The following MED12L variants were observed in gnomAD, a reference collection of about 807,000 sequenced individuals.
The protein encoded by MED12L is mediator complex subunit 12L.
MED12L carries 60 observed loss-of-function variants against 281.3 expected under a neutral mutation model. The ratio of observed to expected loss-of-function variants is 0.21; its 90% CI spans 0.17 to 0.26. The LOEUF (loss-of-function observed/expected upper bound fraction) is 0.26, where lower values mean the gene tolerates loss of function less well. Among genes scored for constraint, MED12L ranks in the 10% least tolerant of loss-of-function variants. The pLI is 1.00. For synonymous variants in MED12L, 974 were observed against 987.2 expected (o/e 0.99, Z 0.25); for missense variants, 2,146 against 2,680.9 (o/e 0.80, Z 4.41).
In MED12L at chr3:151,085,863, C is replaced by T. The variant is rs1336606515; in HGVS notation, c.-203C>T. 6.6e-6 allele frequency: 1 copy of T among 152,076 alleles called. No homozygotes were observed. Among genetic ancestry groups the T allele is most frequent in the African/African-American group, 2.4e-5 (1 of 41,444 alleles). The allele number at this position is 152,076 out of a possible 1,614,324, so 9.4% of individuals were successfully genotyped here. A position where few individuals can be genotyped will look rare whatever the true frequency, so the allele number is the denominator to read the frequency against. ...CAAATCCAAGTCCCCCATCCCAACC[C>T]GAATGATGGAGGCTGCGGCGGCCGG... On this transcript the variant is annotated 5_prime_UTR_variant, in exon 1 of 45. Transcript: ENST00000687756.
At chr3:151,167,358 A>G (rs970502995) in intron 11 of MED12L, among the ~76,000 whole-genome samples, 5 of 152,230 alleles carry the variant, frequency 3.3e-5, no homozygotes, top group Non-Finnish European at 7.3e-5. Flanking sequence ...CTAGGACTGC[A>G]GAGTTAAGTT....
At position 151,385,211 on chromosome 3, in the gene MED12L, C is replaced by T; in HGVS notation, c.5088+20C>T. ...AAACAGGCAAGAGTGAATGTTTTTT[C>T]TTATATATAAATTTATTTACAAAAG... On this transcript the variant is annotated intron_variant, in intron 36 of 44. Transcript: ENST00000687756. 1 of 1,132,732 alleles carries T rather than the reference C, an allele frequency of 8.8e-7. No homozygotes were observed. Among genetic ancestry groups the T allele is most frequent in the Non-Finnish European group, 1.3e-6 (1 of 784,294 alleles). The allele number at this position is 1,132,732 out of a possible 1,614,324, so 70.2% of individuals were successfully genotyped here. A position where few individuals can be genotyped will look rare whatever the true frequency, so the allele number is the denominator to read the frequency against.
intron 12 of MED12L, among the ~76,000 whole-genome samples, chr3:151,187,024 C>T (rs766865233): frequency 5.3e-5 from 8 of 152,140 alleles, no homozygotes; most frequent in Non-Finnish European, 1.2e-4. Flanking sequence ...ATAGGAAGAA[C>T]ATTTTATAGA....
intron 22 of MED12L, among the ~76,000 whole-genome samples, 191 bp downstream of exon 22, chr3:151,365,397 C>G (rs1755153951): frequency 6.6e-6 from 1 of 152,068 alleles, no homozygotes; most frequent in Admixed American, 6.6e-5. Context: ...ACAGTGCTTT[C>G]TTATTTATTA....
At chr3:151,101,987 C>T (rs1216175705) in intron 2 of MED12L, among the ~76,000 whole-genome samples, 1 of 152,066 alleles carries the variant, frequency 6.6e-6, no homozygotes, top group East Asian at 1.9e-4. Flanking sequence ...GATAGTAGGT[C>T]CTGTTGCTTG....
chr3:151,095,840 A>G (rs1040597257), intron 2 of MED12L, among the ~76,000 whole-genome samples: 4 of 152,196 alleles, frequency 2.6e-5, no homozygotes, highest in African/African-American at 7.2e-5. Flanking sequence ...TAGGAGTTCA[A>G]TAGTAGCCTG....
At chr3:151,366,416 G>A (rs1755274085) in intron 23 of MED12L, among the ~76,000 whole-genome samples, 1 of 152,194 alleles carries the variant, frequency 6.6e-6, no homozygotes, top group Non-Finnish European at 1.5e-5. Flanking sequence ...TACAAATAAA[G>A]GCTTTGTTGG....
chr3:151,221,522 G>A (rs1040937872), intron 16 of MED12L, among the ~76,000 whole-genome samples: 1 of 152,172 alleles, frequency 6.6e-6, no homozygotes, highest in Admixed American at 6.5e-5. Context: ...GTGCAGCCTG[G>A]GGAATTGGTG....
chr3:151,280,238 G>T (rs1017162008), intron 16 of MED12L, among the ~76,000 whole-genome samples: 1 of 152,164 alleles, frequency 6.6e-6, no homozygotes, highest in Admixed American at 6.5e-5. Context: ...CCACCCAGGG[G>T]GACAGTTGTG....
chr3:151,412,928 C>T (rs1366955789), intron 41 of MED12L, among the ~76,000 whole-genome samples: 1 of 152,252 alleles, frequency 6.6e-6, no homozygotes, highest in African/African-American at 2.4e-5. Flanking sequence ...TATTGCATGA[C>T]TGCAATTTTA....
intron 39 of MED12L, among the ~76,000 whole-genome samples, chr3:151,405,339 G>A (rs916520175): frequency 6.6e-6 from 1 of 152,254 alleles, no homozygotes; most frequent in African/African-American, 2.4e-5. Context: ...CCAGTTCTCT[G>A]TAGATCATTC....
chr3:151,156,230 C>A lies in MED12L; in HGVS notation c.626C>A (p.Ala209Asp). The A allele has an allele frequency of 6.2e-7, 1 of 1,613,528 alleles. No individual in the cohort carries two copies. ...LAKISDFYHM[A>D]SSTGDGPVPV... ...AAGATTTCTGACTTTTACCACATGG[C>A]CTCCAGCACGGGCGATGGCCCTGTC... The change falls in exon 6 of 45, where the codon GCC becomes GAC. Residue 209 changes from alanine to aspartate, a missense_variant. Coordinates refer to ENST00000687756, the MANE Select transcript of MED12L (RefSeq NM_001393769.1).
In MED12L at chr3:151,328,588, T is replaced by G. The variant is rs936613622; in HGVS notation, c.2251-21471T>G. The G allele has an allele frequency of 5.0e-6, 8 of 1,613,430 alleles. No homozygotes were observed. The Admixed American group carries it at 6.7e-5, about 13-fold the overall frequency. On this transcript the variant is annotated intron_variant, in intron 16 of 44. Transcript: ENST00000687756. ...TTGAGACCGTTTTTGCAAAAACAGG[T>G]TTTTTTAGAAAAATATTTCTCAAAG...
At chr3:151,401,147 G>A (rs575556245) in intron 39 of MED12L, among the ~76,000 whole-genome samples, 1 of 152,032 alleles carries the variant, frequency 6.6e-6, no homozygotes, top group East Asian at 1.9e-4. Context: ...CTTTTTTGTA[G>A]CTAATTTAAT....
At chr3:151,227,404 G>A (rs1027178260) in intron 16 of MED12L, among the ~76,000 whole-genome samples, 1 of 151,898 alleles carries the variant, frequency 6.6e-6, no homozygotes, top group East Asian at 1.9e-4. Context: ...TCTTGATTAT[G>A]TGTGAGAATG....
chr3:151,086,291 C>T (rs938100119), intron 1 of MED12L: 1 of 152,384 alleles, frequency 6.6e-6, no homozygotes, highest in Admixed American at 6.5e-5. Context: ...CCCCTCCAGA[C>T]CTGCCTCTGC....
chr3:151,286,409 A>G (rs1456090790), intron 16 of MED12L, among the ~76,000 whole-genome samples: 2 of 152,230 alleles, frequency 1.3e-5, no homozygotes, highest in South Asian at 2.1e-4. Context: ...CAAATATTCA[A>G]ATTGGATGGG....
At chr3:151,220,482 G>T (rs958178058) in intron 16 of MED12L, among the ~76,000 whole-genome samples, 1 of 152,140 alleles carries the variant, frequency 6.6e-6, no homozygotes, top group African/African-American at 2.4e-5. Flanking sequence ...GTTTGGCTCT[G>T]TGTCCCCACC....
At position 151,225,649 on chromosome 3, in the gene MED12L, G is replaced by A. The variant is rs559565018; in HGVS notation, c.2250+31983G>A. Among the ~76,000 whole-genome samples, 6 of 152,262 alleles carry A rather than the reference G, an allele frequency of 3.9e-5. No homozygotes were observed. In the East Asian group the frequency reaches 5.8e-4, roughly 15 times the overall value. On this transcript the variant is annotated intron_variant, in intron 16 of 44. Transcript: ENST00000687756. ...GATCCTATCGGTAGCTGTCTCATCC[G>A]TGTTCTGCATTCCTGTGGCACTCTT...
Sources: allele counts gnomAD v4.1 joint callset (sites outside exome capture counted in the v4.1 genomes callset), GRCh38; gene constraint gnomAD v4.1.1; transcripts MANE v1.5; gene names NCBI Gene and HGNC (gene_info 2026-07-23, HGNC 2026-07-21).